RIC1: variants seen among roughly 807,000 people sequenced by gnomAD.
RIC1 encodes guanine nucleotide exchange factor subunit RIC1.
RIC1 carries 88 observed loss-of-function variants against 169.0 expected under a neutral mutation model. That is an observed-to-expected ratio of 0.52 (90% CI 0.44 to 0.62). The LOEUF is 0.62. Among genes scored for constraint, RIC1 ranks in the 20% least tolerant of loss-of-function variants. The pLI is 0.00. For synonymous variants in RIC1, 790 were observed against 601.5 expected (o/e 1.31, Z -4.59); for missense variants, 1,877 against 1,725.5 (o/e 1.09, Z -1.56).
Position 5,748,304 on chromosome 9 carries a change from A to C in RIC1, c.1452+799A>C, listed in dbSNP as rs536762569. Among the ~76,000 whole-genome samples, 47 of 152,150 alleles carry C rather than the reference A, an allele frequency of 3.1e-4. 1 individual carries two copies. The highest frequency in any genetic ancestry group is 1.0e-3 in the African/African-American group (42 of 41,500). On this transcript the variant is annotated intron_variant, in intron 12 of 25. Coordinates refer to ENST00000414202, the MANE Select transcript of RIC1 (RefSeq NM_020829.4). The stretch of plus-strand genomic sequence containing the variant: ...ATTCTTTGCCTTACTTTGACTCTCT[A>C]TATGTTTACCCTACTAGCCTACTTC...
chr9:5,629,573 T>A (rs1817616857), intron 1 of RIC1, 120 bp downstream of exon 1: 1 of 1,112,088 alleles, frequency 9.0e-7, no homozygotes, highest in Non-Finnish European at 1.2e-6. Flanking sequence ...CCACCTGCCT[T>A]CGCAGTCCGC....
At chr9:5,662,937 G>C (rs1819541647) in intron 2 of RIC1, among the ~76,000 whole-genome samples, 1 of 152,094 alleles carries the variant, frequency 6.6e-6, no homozygotes, top group African/African-American at 2.4e-5. Flanking sequence ...TTGTTAACTT[G>C]AGATCTTTGT....
At chr9:5,694,426 T>G (rs1449385508) in intron 3 of RIC1, among the ~76,000 whole-genome samples, 2 of 152,210 alleles carry the variant, frequency 1.3e-5, no homozygotes, top group African/African-American at 4.8e-5. Context: ...ACAAAGTATG[T>G]TAGTGATCTT....
intron 6 of RIC1, among the ~76,000 whole-genome samples, chr9:5,721,450 G>A (rs150181664): frequency 2.6e-5 from 4 of 152,280 alleles, no homozygotes; most frequent in African/African-American, 7.2e-5. Context: ...ACACACGCGC[G>A]TGCACACACA....
At chr9:5,694,796 CTTT>C (rs35762013) in intron 3 of RIC1, among the ~76,000 whole-genome samples, 1 of 143,592 alleles carries the variant, frequency 7.0e-6, no homozygotes, top group African/African-American at 2.6e-5. Context: ...TTTTTGGTGG[CTTT>C]TTTTTTTTTG....
chr9:5,635,072 C>T (rs1263776929), intron 1 of RIC1, among the ~76,000 whole-genome samples: 2 of 152,152 alleles, frequency 1.3e-5, no homozygotes, highest in African/African-American at 4.8e-5. Flanking sequence ...ACTGCAGCCT[C>T]GACCTCTTGG....
chr9:5,733,501 C>T (rs1427114156), intron 7 of RIC1, among the ~76,000 whole-genome samples: 1 of 152,072 alleles, frequency 6.6e-6, no homozygotes, highest in Admixed American at 6.5e-5. Context: ...ATCTCCTGAC[C>T]TTGTGATCCG....
intron 7 of RIC1, among the ~76,000 whole-genome samples, 179 bp downstream of exon 7, chr9:5,732,658 A>G (rs548882448): frequency 7.9e-5 from 12 of 152,326 alleles, no homozygotes; most frequent in African/African-American, 2.6e-4. Flanking sequence ...AAACAAAAGT[A>G]AAGGGCAGAT....
In RIC1 at chr9:5,776,144, T is replaced by C. The variant is rs1276716929; in HGVS notation, c.*1898T>C. ...AACATTCTTGAAAGCAGGGCACCAGTATAAGTTAACTGTATTCCTGTGGGT... is the reference window on the plus strand; with the variant it reads ...AACATTCTTGAAAGCAGGGCACCAGCATAAGTTAACTGTATTCCTGTGGGT... On this transcript the variant is annotated 3_prime_UTR_variant, in exon 26 of 26. Coordinates refer to ENST00000414202, the MANE Select transcript of RIC1 (RefSeq NM_020829.4). 3 of 152,202 alleles carry C rather than the reference T, an allele frequency of 2.0e-5. No individual in the cohort carries two copies. 9.4% of individuals were successfully genotyped at this position (152,202 alleles called of 1,614,324 possible).
At chr9:5,738,823 ATAAT>A (rs1273121641) in intron 8 of RIC1, among the ~76,000 whole-genome samples, 1 of 151,074 alleles carries the variant, frequency 6.6e-6, no homozygotes, top group Admixed American at 6.6e-5. Flanking sequence ...CAGGAACACC[ATAAT>A]TAATTAGCCA....
Position 5,763,932 on chromosome 9 carries a change from G to A in RIC1, c.2841+64G>A. On this transcript the variant is annotated intron_variant, in intron 19 of 25. Coordinates refer to ENST00000414202, the MANE Select transcript of RIC1 (RefSeq NM_020829.4). This position sits in a 1 kb window ranked among gnomAD's most constrained non-coding sequence, Gnocchi z 5.2. Reference sequence around the variant, plus strand: ...AGCTTAAACTTAGAAAAATAGAAATGTCCTGTTTTGACACCATGATTGTGT... The same window carrying A: ...AGCTTAAACTTAGAAAAATAGAAATATCCTGTTTTGACACCATGATTGTGT... 6.7e-7 allele frequency: 1 copy of A among 1,491,554 alleles called. No homozygotes were observed. The allele number at this position is 1,491,554 out of a possible 1,614,324, so 92.4% of individuals were successfully genotyped here. A position where few individuals can be genotyped will look rare whatever the true frequency, so the allele number is the denominator to read the frequency against.
chr9:5,774,110 G>T lies in RIC1; in HGVS notation c.4136G>T (p.Gly1379Val), dbSNP rs1563730869. The T allele has an allele frequency of 1.9e-6, 3 of 1,614,056 alleles. No homozygotes were observed. Among genetic ancestry groups the T allele is most frequent in the Non-Finnish European group, 2.5e-6 (3 of 1,179,992 alleles). ...QTSPRAEESR[G>V]SSSHGSIPQG... ...AGCCCCCGGGCAGAGGAGAGCAGGGGCTCCTCCAGCCATGGAAGCATCCCC... is the reference window on the plus strand; with the variant it reads ...AGCCCCCGGGCAGAGGAGAGCAGGGTCTCCTCCAGCCATGGAAGCATCCCC... The change falls in exon 26 of 26, where the codon GGC becomes GTC. Residue 1379 changes from glycine (G) to valine (V), a missense_variant. Coordinates refer to ENST00000414202, the MANE Select transcript of RIC1 (RefSeq NM_020829.4).
At chr9:5,641,449 T>G (rs532318416) in intron 1 of RIC1, among the ~76,000 whole-genome samples, 1 of 152,144 alleles carries the variant, frequency 6.6e-6, no homozygotes, top group Non-Finnish European at 1.5e-5. Flanking sequence ...CTTCTCATAC[T>G]TGAATGCAGA....
At chr9:5,707,204 T>C (rs945944360) in intron 3 of RIC1, among the ~76,000 whole-genome samples, 14 of 152,190 alleles carry the variant, frequency 9.2e-5, no homozygotes, top group Admixed American at 6.5e-5. Flanking sequence ...AGTTTTTCTT[T>C]TACTGATTTT....
Position 5,754,957 on chromosome 9 carries a change from G to A in RIC1, c.1692+27G>A, listed in dbSNP as rs199798060. On this transcript the variant is annotated intron_variant, in intron 15 of 25. Coordinates refer to ENST00000414202, the MANE Select transcript of RIC1 (RefSeq NM_020829.4). ...TAAGTTTTTTCTCTCAGAAATAACA[G>A]ATTTTTATATTTTAAAGCTATTAAG... 472 of 1,381,696 alleles carry A rather than the reference G, an allele frequency of 3.4e-4. 1 individual carries two copies. The highest frequency in any genetic ancestry group is 4.5e-4 in the Non-Finnish European group (448 of 1,004,952). 85.6% of individuals were successfully genotyped at this position (1,381,696 alleles called of 1,614,324 possible).
At chr9:5,693,547 C>G (rs1025152643) in intron 3 of RIC1, among the ~76,000 whole-genome samples, 2 of 152,116 alleles carry the variant, frequency 1.3e-5, no homozygotes, top group African/African-American at 4.8e-5. Flanking sequence ...ATTACATTAT[C>G]TCTTCATATT....
At chr9:5,663,201 A>C (rs1819557172) in intron 2 of RIC1, among the ~76,000 whole-genome samples, 1 of 152,032 alleles carries the variant, frequency 6.6e-6, no homozygotes, top group Admixed American at 6.6e-5. Context: ...AGAGACTGTT[A>C]TCATTTCAGT....
rs191238285 is a variant in RIC1, at chr9:5,692,439, T to C, written c.332+2401T>C. Among the ~76,000 whole-genome samples, 692 of 152,194 alleles carry C rather than the reference T, an allele frequency of 4.5e-3. 19 individuals are homozygous for C. Among genetic ancestry groups the C allele is most frequent in the Admixed American group, 0.043 (659 of 15,296 alleles). ...TATCAGTAATTTTTTTCACCAAGTG[T>C]TTACTTCATTTCTAAGCTTTTAAGT... On this transcript the variant is annotated intron_variant, in intron 3 of 25. Coordinates refer to ENST00000414202, the MANE Select transcript of RIC1 (RefSeq NM_020829.4).
intron 1 of RIC1, 97 bp downstream of exon 1, chr9:5,629,550 C>G: frequency 7.6e-7 from 1 of 1,317,596 alleles, no homozygotes; most frequent in African/African-American, 1.5e-5. Flanking sequence ...ACTCCTGCCC[C>G]TTCGTGCCAG....
Sources: gnomAD v4.1 joint callset for allele counts (sites outside exome capture counted in the v4.1 genomes callset) on GRCh38, gnomAD v4.1.1 for gene constraint, Gnocchi (gnomAD v3.1) non-coding constraint, MANE v1.5 for transcripts, NCBI Gene and HGNC (gene_info 2026-07-23, HGNC 2026-07-21) for gene names.